The following RIOK1 variants were observed in gnomAD, a reference collection of about 807,000 sequenced individuals.
RIOK1 encodes the protein RIO kinase 1.
RIOK1 carries 66 observed loss-of-function variants against 73.5 expected under a neutral mutation model. The observed-to-expected ratio is 0.90, with a 90% CI of 0.74 to 1.10. The LOEUF is 1.10. RIOK1 is among the 50% of genes least tolerant of loss of function. The pLI is 0.00. For missense variants in RIOK1, 658 were observed against 699.8 expected (o/e 0.94, Z 0.67); for synonymous variants, 224 against 226.8 (o/e 0.99, Z 0.11).
intron 12 of RIOK1, among the ~76,000 whole-genome samples, chr6:7,409,265 G>GTGTGTT (rs1226018513): frequency 7.9e-6 from 1 of 126,400 alleles, no homozygotes; most frequent in Admixed American, 8.0e-5. Context: ...GTGTGTGTGT[G>GTGTGTT]TGTGTTTGAG....
At chr6:7,402,130 A>G (rs576398791) in intron 6 of RIOK1, among the ~76,000 whole-genome samples, 1 of 152,220 alleles carries the variant, frequency 6.6e-6, no homozygotes, top group Non-Finnish European at 1.5e-5. Context: ...GAAATGCATC[A>G]TTAGGCAAAT....
At chr6:7,407,571 A>G (rs1046468812) in intron 12 of RIOK1, among the ~76,000 whole-genome samples, 3 of 151,328 alleles carry the variant, frequency 2.0e-5, no homozygotes, top group Admixed American at 6.6e-5. Flanking sequence ...TACAGTCTCA[A>G]CCTTCTAGAC....
In RIOK1 at chr6:7,410,955, G is replaced by A. The variant is rs76199436; in HGVS notation, c.1270-377G>A. 5.4e-4 allele frequency among the ~76,000 whole-genome samples: 82 copies of A among 152,260 alleles called. 5 individuals carry two copies. The East Asian group carries it at 0.016, about 29-fold the overall frequency. On this transcript the variant is annotated intron_variant, in intron 13 of 16. Transcript: ENST00000379834. ...CCACCTTTTTCACTGTAGCAGCTGGGTATGTTTCGTAAGGCATAGCCAGGC... is the reference window on the plus strand; with the variant it reads ...CCACCTTTTTCACTGTAGCAGCTGGATATGTTTCGTAAGGCATAGCCAGGC...
intron 10 of RIOK1, 61 bp downstream of exon 10, chr6:7,404,616 A>G: frequency 6.4e-7 from 1 of 1,571,848 alleles, no homozygotes; most frequent in South Asian, 1.1e-5. Context: ...TTAAAATGAT[A>G]AACAAAATCC....
At chr6:7,395,288 T>G in intron 3 of RIOK1, 145 bp downstream of exon 3, 2 of 796,438 alleles carry the variant, frequency 2.5e-6, no homozygotes, top group African/African-American at 1.7e-5. Flanking sequence ...CTGAAGTGGG[T>G]GGATCACCTG....
intron 14 of RIOK1, among the ~76,000 whole-genome samples, chr6:7,412,651 CAAA>C (rs35985238): frequency 2.4e-5 from 3 of 123,428 alleles, no homozygotes. Flanking sequence ...GACTCCGTCT[CAAA>C]AAAAAAAAAA....
At chr6:7,393,847 G>A (rs538596256) in intron 2 of RIOK1, among the ~76,000 whole-genome samples, 2 of 152,288 alleles carry the variant, frequency 1.3e-5, no homozygotes, top group East Asian at 3.9e-4. Context: ...GATTGTTTAT[G>A]GTAGAGGAAC....
chr6:7,392,357 G>A (rs1283059180), intron 1 of RIOK1, among the ~76,000 whole-genome samples: 1 of 151,666 alleles, frequency 6.6e-6, no homozygotes, highest in Non-Finnish European at 1.5e-5. Flanking sequence ...CATTTGTAGT[G>A]CCTGGTCCCT....
At chr6:7,407,032 T>C (rs1761763983) in intron 12 of RIOK1, among the ~76,000 whole-genome samples, 1 of 152,264 alleles carries the variant, frequency 6.6e-6, no homozygotes, top group East Asian at 1.9e-4. Context: ...TATCCATTCA[T>C]CTGTGGATGG....
chr6:7,405,108 C>A, intron 11 of RIOK1, 87 bp downstream of exon 11: 1 of 1,258,326 alleles, frequency 7.9e-7, no homozygotes, highest in Non-Finnish European at 1.1e-6. Context: ...AATTTTCTCA[C>A]TAAATTGTTT....
intron 3 of RIOK1, among the ~76,000 whole-genome samples, chr6:7,396,188 GGGAT>G (rs1352496796): frequency 6.6e-6 from 1 of 152,160 alleles, no homozygotes; most frequent in Non-Finnish European, 1.5e-5. Context: ...AAATGTAAGA[GGGAT>G]GGAGGGAAGG....
In RIOK1 at chr6:7,395,092, T is replaced by C; in HGVS notation, c.316T>C (p.Ser106Pro). The C allele has an allele frequency of 6.2e-7, 1 of 1,613,976 alleles. No individual in the cohort carries two copies. The highest frequency in any genetic ancestry group is 8.5e-7 in the Non-Finnish European group (1 of 1,179,850). ...CTCCGACAGCAGTTCAGCCAAAATG[T>C]CTACTCCAGCAGACAAGGTCTTACG... is the stretch of plus-strand genomic sequence containing the variant. ...QTSDSSSAKM[S>P]TPADKVLRKF... The change falls in exon 3 of 17, where the codon TCT becomes CCT. Residue 106 changes from serine to proline, a missense_variant. Transcript: ENST00000379834.
chr6:7,409,158 G>T (rs1761823825), intron 12 of RIOK1, among the ~76,000 whole-genome samples: 1 of 151,550 alleles, frequency 6.6e-6, no homozygotes, highest in Non-Finnish European at 1.5e-5. Context: ...CAGTAGCTGG[G>T]ATTACAGGCA....
At position 7,389,831 on chromosome 6, in the gene RIOK1, GT is replaced by G. The variant is rs1280077772; in HGVS notation, c.-171del. 6.6e-6 allele frequency: 4 copies of G among 609,860 alleles called. No homozygotes were observed. The highest frequency in any genetic ancestry group is 1.2e-5 in the Non-Finnish European group (4 of 338,248). The allele number at this position is 609,860 out of a possible 1,614,324, so 37.8% of individuals were successfully genotyped here. On this transcript the variant is annotated 5_prime_UTR_variant, in exon 1 of 17. Transcript: ENST00000379834. Reference sequence around the variant, plus strand: ...AGGGGCTTCCGGTTGGGGTGGCAGGGTGGTGGATCTGTCGGTCCCGTTTTCC... The same window carrying G: ...AGGGGCTTCCGGTTGGGGTGGCAGGGGGTGGATCTGTCGGTCCCGTTTTCC...
At chr6:7,393,453 T>G in intron 2 of RIOK1, 150 bp downstream of exon 2, 1 of 631,998 alleles carries the variant, frequency 1.6e-6, no homozygotes, top group South Asian at 2.2e-5. Flanking sequence ...ATTTTCACTT[T>G]TCATCCTTTC....
In RIOK1 at chr6:7,390,747, C is replaced by T. The variant is rs189229125; in HGVS notation, c.71+674C>T. On this transcript the variant is annotated intron_variant, in intron 1 of 16. Transcript: ENST00000379834. ...GTGATAGAGAAGTAAGAAGGGGGGC[C>T]AGATCATGGAGACCTTTACAAGTGA... is the stretch of plus-strand genomic sequence containing the variant. 7.2e-5 allele frequency among the ~76,000 whole-genome samples: 11 copies of T among 152,234 alleles called. No individual in the cohort carries two copies. The East Asian group carries it at 2.1e-3, about 29-fold the overall frequency.
chr6:7,395,264 G>T (rs6899625), intron 3 of RIOK1, 121 bp downstream of exon 3: 1 of 1,099,674 alleles, frequency 9.1e-7, no homozygotes, highest in African/African-American at 1.6e-5. Flanking sequence ...CTGTAATCCC[G>T]GCACTTTGGG....
At position 7,405,287 on chromosome 6, in the gene RIOK1, C is replaced by CG; in HGVS notation, c.1138dup (p.Glu380GlyfsTer4). ...GCACAGTGTTGCTGTCATGACTGTGCGGGAGCTCTTTGAATTTGTCACAGA... is the reference window on the plus strand; with the variant it reads ...GCACAGTGTTGCTGTCATGACTGTGCGGGGAGCTCTTTGAATTTGTCACAGA... On this transcript the variant is annotated frameshift_variant, in exon 12 of 17. Transcript: ENST00000379834. LOFTEE classifies it high-confidence loss of function. 1 of 1,613,110 alleles carries CG rather than the reference C, an allele frequency of 6.2e-7. No homozygotes were observed. The highest frequency in any genetic ancestry group is 1.1e-5 in the South Asian group (1 of 91,074).
At chr6:7,404,369 G>A in intron 9 of RIOK1, 49 bp from the exon 10 acceptor site, 1 of 1,604,580 alleles carries the variant, frequency 6.2e-7, no homozygotes. Flanking sequence ...ATAGTAAGAA[G>A]CAAGAAAACT....
Sources: gnomAD v4.1 joint callset for allele counts (sites outside exome capture counted in the v4.1 genomes callset) on GRCh38, gnomAD v4.1.1 for gene constraint, MANE v1.5 for transcripts, NCBI Gene and HGNC (gene_info 2026-07-23, HGNC 2026-07-21) for gene names.